Variants in C8orf34 observed in about 807,000 individuals in gnomAD.
C8orf34 encodes the protein chromosome 8 open reading frame 34.
C8orf34 carries 65 observed loss-of-function variants against 68.3 expected under a neutral mutation model. The observed-to-expected ratio is 0.95, with a 90% CI of 0.78 to 1.17. C8orf34 has a LOEUF of 1.17. Among genes scored for constraint, C8orf34 ranks in the 50% most tolerant of loss-of-function variants. The probability of loss-of-function intolerance (pLI) is 0.00; values close to 1 mark genes in which losing one functional copy is unlikely to be tolerated. For missense variants in C8orf34, 664 were observed against 655.4 expected (o/e 1.01, Z -0.14); for synonymous variants, 244 against 241.2 (o/e 1.01, Z -0.11).
chr8:68,463,432 C>T (rs1811946804), intron 3 of C8orf34, among the ~76,000 whole-genome samples: 1 of 152,244 alleles, frequency 6.6e-6, no homozygotes. Context: ...TCCTCCCTAA[C>T]TCATTTTATG....
intron 9 of C8orf34, among the ~76,000 whole-genome samples, chr8:68,717,583 A>G (rs1283025499): frequency 6.6e-6 from 1 of 152,114 alleles, no homozygotes; most frequent in African/African-American, 2.4e-5. Context: ...GCCCACGGAT[A>G]TATGAAGGTT....
intron 8 of C8orf34, among the ~76,000 whole-genome samples, chr8:68,692,233 G>A (rs936865325): frequency 7.2e-5 from 11 of 152,164 alleles, no homozygotes; most frequent in Admixed American, 3.3e-4. Context: ...TCTTGGACAC[G>A]TATACCGTCT....
chr8:68,362,616 AC>A (rs1426532960), intron 1 of C8orf34, among the ~76,000 whole-genome samples: 13 of 152,038 alleles, frequency 8.6e-5, no homozygotes, highest in Admixed American at 7.2e-4. Flanking sequence ...ACTGGGAGGC[AC>A]CCCCCAGCAG....
intron 3 of C8orf34, 135 bp downstream of exon 3, chr8:68,446,595 T>G (rs1163358186): frequency 1.2e-6 from 1 of 840,710 alleles, no homozygotes; most frequent in Non-Finnish European, 1.8e-6. Context: ...AATTTCACTT[T>G]TACTCCGCAT....
At chr8:68,561,053 G>A (rs961646393) in intron 7 of C8orf34, among the ~76,000 whole-genome samples, 5 of 150,356 alleles carry the variant, frequency 3.3e-5, no homozygotes, top group African/African-American at 1.2e-4. Context: ...TGTGATCACA[G>A]CTCACTGCAG....
chr8:68,345,116 T>C (rs978356244), intron 1 of C8orf34, among the ~76,000 whole-genome samples: 2 of 152,004 alleles, frequency 1.3e-5, no homozygotes, highest in East Asian at 3.8e-4. Flanking sequence ...TATTAAATTA[T>C]TTTATCAAAT....
chr8:68,543,492 A>T (rs2129961381), intron 7 of C8orf34, among the ~76,000 whole-genome samples: 1 of 152,298 alleles, frequency 6.6e-6, no homozygotes, highest in South Asian at 2.1e-4. Context: ...CATTTACAAT[A>T]TACAATGTAC....
chr8:68,474,989 T>C (rs962628502), intron 4 of C8orf34, among the ~76,000 whole-genome samples: 1 of 152,164 alleles, frequency 6.6e-6, no homozygotes, highest in African/African-American at 2.4e-5. Flanking sequence ...GTTTCGGGTA[T>C]TCAGTGCCTC....
At chr8:68,609,699 A>G (rs925813341) in intron 7 of C8orf34, among the ~76,000 whole-genome samples, 3 of 152,186 alleles carry the variant, frequency 2.0e-5, no homozygotes, top group African/African-American at 7.2e-5. Flanking sequence ...AGAAAACTCC[A>G]TTGGATAGCC....
chr8:68,474,176 A>T (rs1320164701), intron 4 of C8orf34, among the ~76,000 whole-genome samples: 1 of 152,274 alleles, frequency 6.6e-6, no homozygotes, highest in African/African-American at 2.4e-5. Context: ...TTTTTACAAC[A>T]TGCCCAAAGC....
At chr8:68,364,914 A>G (rs1807175063) in intron 1 of C8orf34, among the ~76,000 whole-genome samples, 1 of 152,140 alleles carries the variant, frequency 6.6e-6, no homozygotes, top group African/African-American at 2.4e-5. Flanking sequence ...ACTGAAGGAA[A>G]TAGAGACACA....
chr8:68,812,267 G>A (rs1019030761), intron 12 of C8orf34, among the ~76,000 whole-genome samples: 5 of 152,084 alleles, frequency 3.3e-5, no homozygotes, highest in Non-Finnish European at 7.4e-5. Flanking sequence ...AAAATAAATA[G>A]CATTTAGTAA....
At chr8:68,766,812 C>T (rs1378090280) in intron 10 of C8orf34, among the ~76,000 whole-genome samples, 1 of 152,080 alleles carries the variant, frequency 6.6e-6, no homozygotes, top group African/African-American at 2.4e-5. Flanking sequence ...CAAGATTAAA[C>T]ACAAATAGTG....
chr8:68,465,784 C>A (rs1382916644), intron 3 of C8orf34, among the ~76,000 whole-genome samples: 1 of 150,604 alleles, frequency 6.6e-6, no homozygotes, highest in East Asian at 2.0e-4. Flanking sequence ...GGGAACATCA[C>A]ACTCTGGGGC....
At chr8:68,393,057 A>G (rs1251106740) in intron 1 of C8orf34, among the ~76,000 whole-genome samples, 1 of 152,168 alleles carries the variant, frequency 6.6e-6, no homozygotes, top group Admixed American at 6.5e-5. Context: ...GGAAATGCTG[A>G]AGACTGAAAT....
At chr8:68,557,958 A>G (rs1816303057) in intron 7 of C8orf34, among the ~76,000 whole-genome samples, 1 of 152,202 alleles carries the variant, frequency 6.6e-6, no homozygotes, top group South Asian at 2.1e-4. Flanking sequence ...GTTAGTAATG[A>G]AATAGTTTAG....
At chr8:68,382,455 A>G (rs1808083268) in intron 1 of C8orf34, among the ~76,000 whole-genome samples, 1 of 152,252 alleles carries the variant, frequency 6.6e-6, no homozygotes. Flanking sequence ...CCAGATTTCA[A>G]GAGTTCAAAA....
At chr8:68,744,813 C>T (rs142847407) in intron 10 of C8orf34, among the ~76,000 whole-genome samples, 70 of 151,960 alleles carry the variant, frequency 4.6e-4, no homozygotes, top group East Asian at 1.4e-3. Flanking sequence ...ACACTCTGCA[C>T]GATATTATCC....
chr8:68,811,368 C>G (rs1481561484), intron 12 of C8orf34, among the ~76,000 whole-genome samples: 1 of 152,240 alleles, frequency 6.6e-6, no homozygotes, highest in Admixed American at 6.5e-5. Context: ...TTCCTGGGCC[C>G]CCAAGAGCAC....
Sources: gnomAD v4.1 joint callset for allele counts (sites outside exome capture counted in the v4.1 genomes callset) on GRCh38, gnomAD v4.1.1 for gene constraint, MANE v1.5 for transcripts, NCBI Gene and HGNC (gene_info 2026-07-23, HGNC 2026-07-21) for gene names.